Variants in CLEC16A observed in about 807,000 individuals in gnomAD.
CLEC16A encodes the protein C-type lectin domain containing 16A, also known as protein CLEC16A.
CLEC16A carries 51 observed loss-of-function variants against 109.5 expected under a neutral mutation model. That is an observed-to-expected ratio of 0.47 (90% confidence interval 0.37 to 0.59). The LOEUF is 0.59. Among genes scored for constraint, CLEC16A ranks in the 20% least tolerant of loss-of-function variants. The pLI is 0.00. For missense variants in CLEC16A, 1,339 were observed against 1,394.0 expected (o/e 0.96, Z 0.63); for synonymous variants, 673 against 564.2 (o/e 1.19, Z -2.73).
At chr16:11,112,329 T>C (rs1394147876) in intron 19 of CLEC16A, among the ~76,000 whole-genome samples, 1 of 152,088 alleles carries the variant, frequency 6.6e-6, no homozygotes, top group Non-Finnish European at 1.5e-5. Context: ...GAATGTGTTA[T>C]CTAGTGAAAG....
intron 22 of CLEC16A, among the ~76,000 whole-genome samples, chr16:11,132,350 G>T (rs979330360): frequency 2.4e-4 from 36 of 151,570 alleles, no homozygotes; most frequent in Admixed American, 9.9e-4. Context: ...GGCCTTTCAT[G>T]CCTGGCTTCT....
chr16:11,112,511 A>G (rs1447628055), intron 19 of CLEC16A, among the ~76,000 whole-genome samples: 1 of 151,524 alleles, frequency 6.6e-6, no homozygotes, highest in Non-Finnish European at 1.5e-5. Flanking sequence ...AAAAAAAAAA[A>G]AAAAGATTAC....
chr16:10,981,398 T>C (rs1213293377), intron 9 of CLEC16A, among the ~76,000 whole-genome samples: 1 of 152,206 alleles, frequency 6.6e-6, no homozygotes, highest in Non-Finnish European at 1.5e-5. Context: ...CATTGAATCA[T>C]ACTATGTGGT....
At chr16:11,084,956 G>T (rs904542068) in intron 19 of CLEC16A, among the ~76,000 whole-genome samples, 1 of 152,228 alleles carries the variant, frequency 6.6e-6, no homozygotes, top group African/African-American at 2.4e-5. Flanking sequence ...AATAACTCAC[G>T]GCCCATGAGG....
chr16:11,007,900 G>A (rs1322001959), intron 11 of CLEC16A, among the ~76,000 whole-genome samples: 1 of 152,132 alleles, frequency 6.6e-6, no homozygotes, highest in African/African-American at 2.4e-5. Context: ...GGGGCTGTCA[G>A]GTTTTCAGAT....
At chr16:11,135,862 C>T (rs1249736843) in intron 22 of CLEC16A, among the ~76,000 whole-genome samples, 1 of 152,272 alleles carries the variant, frequency 6.6e-6, no homozygotes, top group East Asian at 1.9e-4. Context: ...CAGCACGGGC[C>T]TGGCCCCACA....
At chr16:11,054,433 G>T (rs763419581) in intron 18 of CLEC16A, among the ~76,000 whole-genome samples, 1 of 152,198 alleles carries the variant, frequency 6.6e-6, no homozygotes, top group African/African-American at 2.4e-5. Flanking sequence ...AGAGTTGCAG[G>T]TTCCCAGGGC....
rs569432344 is a variant in CLEC16A at position 11,018,236 on chromosome 16, T to G, written c.1304-1957T>G. ...TGGTCAAGGCTACAGTGAGCCATGA[T>G]CACACCACTGCACTCTAGGCTGGGT... On this transcript the variant is annotated intron_variant, in intron 11 of 23. Transcript: ENST00000409790. Among the ~76,000 whole-genome samples, 3 of 147,564 alleles carry G rather than the reference T, an allele frequency of 2.0e-5. No individual in the cohort carries two copies. The South Asian group carries it at 6.5e-4, about 32-fold the overall frequency.
intron 22 of CLEC16A, among the ~76,000 whole-genome samples, chr16:11,149,565 G>T (rs753159940): frequency 2.0e-5 from 3 of 152,102 alleles, no homozygotes; most frequent in Non-Finnish European, 4.4e-5. Context: ...GCTGAGGCAG[G>T]CAGATTGCCT....
At chr16:11,105,781 A>G (rs1303078956) in intron 19 of CLEC16A, among the ~76,000 whole-genome samples, 1 of 152,194 alleles carries the variant, frequency 6.6e-6, no homozygotes, top group African/African-American at 2.4e-5. Flanking sequence ...CCAGTCACAA[A>G]GACAGCCAAC....
chr16:11,108,494 C>T (rs552172759), intron 19 of CLEC16A, among the ~76,000 whole-genome samples: 1 of 152,360 alleles, frequency 6.6e-6, no homozygotes, highest in African/African-American at 2.4e-5. Context: ...CAACATCTCC[C>T]ACCCACCCTC....
At chr16:11,156,451 C>T in intron 22 of CLEC16A, 1 of 419,398 alleles carries the variant, frequency 2.4e-6, no homozygotes, top group Non-Finnish European at 4.4e-6. Flanking sequence ...GCAAGCAGGG[C>T]CATAGTGACC....
chr16:11,119,859 TATC>T lies in CLEC16A; in HGVS notation c.2117-753_2117-751del, dbSNP rs1169488844. Among the ~76,000 whole-genome samples, 3 of 152,236 alleles carry T rather than the reference TATC, an allele frequency of 2.0e-5. No individual in the cohort carries two copies. The East Asian group carries it at 5.8e-4, about 29-fold the overall frequency. On this transcript the variant is annotated intron_variant, in intron 19 of 23. Coordinates refer to ENST00000409790, the MANE Select transcript of CLEC16A (RefSeq NM_015226.3). ...TTGGGTAGCATGGTCACTTTAACGA[TATC>T]ATTTCTTCTGATCCATGAGCGTTGG...
intron 19 of CLEC16A, among the ~76,000 whole-genome samples, chr16:11,090,485 C>T (rs550022254): frequency 3.3e-5 from 5 of 152,186 alleles, no homozygotes; most frequent in Non-Finnish European, 4.4e-5. Context: ...TGGCTGTCTG[C>T]AGCATTGCCG....
chr16:11,029,746 A>G (rs952578798), intron 13 of CLEC16A, among the ~76,000 whole-genome samples: 2 of 152,232 alleles, frequency 1.3e-5, no homozygotes, highest in Non-Finnish European at 2.9e-5. Context: ...ATTGAAGTCT[A>G]ATTGATATGC....
intron 11 of CLEC16A, among the ~76,000 whole-genome samples, chr16:11,006,536 T>C (rs1024619013): frequency 5.3e-5 from 8 of 152,170 alleles, no homozygotes. Context: ...ACATGGTGAC[T>C]CTTAAGGAAA....
chr16:10,973,571 C>G (rs111251548), intron 7 of CLEC16A, among the ~76,000 whole-genome samples: 4,697 of 151,750 alleles, frequency 0.031, 84 homozygotes, highest in African/African-American at 0.043. Context: ...GAGTATAGGG[C>G]TTTTTTTTCT....
chr16:11,152,590 A>G (rs2054335324), intron 22 of CLEC16A, among the ~76,000 whole-genome samples: 1 of 152,230 alleles, frequency 6.6e-6, no homozygotes, highest in Non-Finnish European at 1.5e-5. Context: ...GCTGAGCAAA[A>G]GACATCAGTT....
At chr16:10,997,811 A>G (rs2044419734) in intron 10 of CLEC16A, among the ~76,000 whole-genome samples, 1 of 152,246 alleles carries the variant, frequency 6.6e-6, no homozygotes, top group Non-Finnish European at 1.5e-5. Context: ...CCAGGAATAC[A>G]TGATATGCAC....
Sources: allele counts gnomAD v4.1 joint callset (sites outside exome capture counted in the v4.1 genomes callset), GRCh38; gene constraint gnomAD v4.1.1; transcripts MANE v1.5; gene names NCBI Gene and HGNC (gene_info 2026-07-23, HGNC 2026-07-21).